Variants in APOLD1 observed in about 807,000 individuals in gnomAD.
APOLD1 encodes apolipoprotein L domain containing 1.
APOLD1 carries 22 observed loss-of-function variants against 15.3 expected under a neutral mutation model. The ratio of observed to expected loss-of-function variants is 1.44; its 90% CI spans 1.03 to 2.05. The LOEUF is 2.05. APOLD1 is among the 30% of genes most tolerant of loss of function. The pLI, the probability that APOLD1 is intolerant of heterozygous loss-of-function variation, is 0.00. For synonymous variants in APOLD1, 190 were observed against 167.4 expected (o/e 1.13, Z -1.04); for missense variants, 394 against 353.5 (o/e 1.11, Z -0.92).
Position 12,789,607 on chromosome 12 carries a change from T to C in APOLD1, c.*1955T>C, listed in dbSNP as rs1947165869. ...TGGGTGACAGACAAAATCGCTTGTC[T>C]TATGGTGGTGATGTGTTGCATTTTC... On this transcript the variant is annotated 3_prime_UTR_variant, in exon 2 of 2. Coordinates refer to ENST00000356591, the MANE Select transcript of APOLD1 (RefSeq NM_030817.3). 1.3e-5 allele frequency: 2 copies of C among 152,238 alleles called. No homozygotes were observed. The highest frequency in any genetic ancestry group is 4.1e-4 in the South Asian group (2 of 4,836). 9.4% of individuals were successfully genotyped at this position (152,238 alleles called of 1,614,324 possible).
intron 1 of APOLD1, among the ~76,000 whole-genome samples, chr12:12,729,253 G>T (rs1946618250): frequency 6.6e-6 from 1 of 151,478 alleles, no homozygotes; most frequent in Non-Finnish European, 1.5e-5. Flanking sequence ...AATAAAGTGG[G>T]ATTCTTATCT....
In APOLD1 at chr12:12,787,090, T is replaced by C; in HGVS notation, c.185T>C (p.Leu62Pro). ...GTAGCCAACGTGGCCGGCAGCTCGC[T>C]GAGCGCAACGGGCGCCCTCGCCGCC... ...SLVANVAGSSLSATGALAAIV... is the reference protein window; with the variant it reads ...SLVANVAGSSPSATGALAAIV... Residue 62 changes from leucine (L) to proline (P), a missense_variant, in exon 2 of 2, where the codon CTG (leucine) becomes CCG (proline). Coordinates refer to ENST00000356591, the MANE Select transcript of APOLD1 (RefSeq NM_030817.3). This position sits in a 1 kb window ranked among gnomAD's most constrained non-coding sequence, Gnocchi z 4.9. 7.1e-7 allele frequency: 1 copy of C among 1,402,520 alleles called. No individual in the cohort carries two copies. The highest frequency in any genetic ancestry group is 9.2e-7 in the Non-Finnish European group (1 of 1,089,228). The allele number at this position is 1,402,520 out of a possible 1,614,324, so 86.9% of individuals were successfully genotyped here.
chr12:12,729,876 A>AT (rs981089736), intron 1 of APOLD1, among the ~76,000 whole-genome samples: 7 of 150,826 alleles, frequency 4.6e-5, no homozygotes, highest in East Asian at 3.9e-4. Context: ...CTACTGGGAC[A>AT]TTTTTTTTTG....
chr12:12,778,512 G>C (rs749195228), intron 1 of APOLD1, among the ~76,000 whole-genome samples: 11 of 148,640 alleles, frequency 7.4e-5, no homozygotes, highest in Non-Finnish European at 1.6e-4. Flanking sequence ...TTTTTTTATA[G>C]AGATGGGTTC....
chr12:12,785,893 T>G (rs1251412915), intron 1 of APOLD1, among the ~76,000 whole-genome samples, 199 bp downstream of exon 1: 1 of 152,214 alleles, frequency 6.6e-6, no homozygotes, highest in African/African-American at 2.4e-5. Context: ...ATGCAGGCAA[T>G]TCTTCCAGAT....
At chr12:12,740,417 C>G (rs889972612) in intron 1 of APOLD1, among the ~76,000 whole-genome samples, 3 of 152,140 alleles carry the variant, frequency 2.0e-5, no homozygotes, top group Non-Finnish European at 4.4e-5. Context: ...GTACCCGGCC[C>G]TCAGATCTTA....
chr12:12,778,223 C>T (rs61913606), intron 1 of APOLD1, among the ~76,000 whole-genome samples: 26,876 of 151,766 alleles, frequency 0.18, 2,449 homozygotes, highest in South Asian at 0.29. Context: ...AGCCACTGTA[C>T]TTGGCCAGGA....
rs961407241 is a variant in APOLD1, at chr12:12,786,783, TC to T, written c.4-122del. 5.4e-6 allele frequency: 7 copies of T among 1,300,614 alleles called. No individual in the cohort carries two copies. In the African/African-American group the frequency reaches 1.1e-4, roughly 20 times the overall value. 80.6% of individuals were successfully genotyped at this position (1,300,614 alleles called of 1,614,324 possible). A position where few individuals can be genotyped will look rare whatever the true frequency, so the allele number is the denominator to read the frequency against. On this transcript the variant is annotated intron_variant, in intron 1 of 1. Coordinates refer to ENST00000356591, the MANE Select transcript of APOLD1 (RefSeq NM_030817.3). The stretch of plus-strand genomic sequence containing the variant: ...CATGATCCACTGGAAACAGACCCGT[TC>T]CCCTAGCGTGGCAGTGGCTGCTCCG...
chr12:12,754,719 C>A (rs1332075226), intron 1 of APOLD1, among the ~76,000 whole-genome samples: 1 of 152,010 alleles, frequency 6.6e-6, no homozygotes, highest in Non-Finnish European at 1.5e-5. Flanking sequence ...GCGTGAGTCA[C>A]CATGCCTGGC....
intron 1 of APOLD1, among the ~76,000 whole-genome samples, chr12:12,769,803 C>T (rs1946971870): frequency 6.6e-6 from 1 of 152,164 alleles, no homozygotes; most frequent in African/African-American, 2.4e-5. Flanking sequence ...CTGAGAAGCA[C>T]CTGTGAAGTT....
intron 1 of APOLD1, among the ~76,000 whole-genome samples, chr12:12,758,625 T>G (rs1183110905): frequency 6.6e-6 from 1 of 152,212 alleles, no homozygotes; most frequent in Non-Finnish European, 1.5e-5. Flanking sequence ...TCCTATTGAA[T>G]GAACAGAAAC....
chr12:12,754,001 G>A (rs894232604), intron 1 of APOLD1, among the ~76,000 whole-genome samples: 1 of 151,620 alleles, frequency 6.6e-6, no homozygotes, highest in African/African-American at 2.4e-5. Flanking sequence ...GATCACCTGA[G>A]GTCAGGAGTT....
chr12:12,731,120 G>A (rs1344761767), intron 1 of APOLD1, among the ~76,000 whole-genome samples: 7 of 152,168 alleles, frequency 4.6e-5, no homozygotes, highest in African/African-American at 1.4e-4. Flanking sequence ...CAGCCTGGGC[G>A]ACAGAGCAAG....
intron 1 of APOLD1, among the ~76,000 whole-genome samples, chr12:12,742,820 A>G (rs886664570): frequency 3.3e-5 from 5 of 151,150 alleles, no homozygotes; most frequent in Admixed American, 1.3e-4. Context: ...GCTGGAGTGC[A>G]GTGGCATGAT....
In APOLD1 at chr12:12,787,065, G is replaced by A. The variant is rs762698522; in HGVS notation, c.160G>A (p.Val54Ile). 1.4e-5 allele frequency: 19 copies of A among 1,390,868 alleles called. No individual in the cohort carries two copies. The highest frequency in any genetic ancestry group is 1.8e-5 in the Non-Finnish European group (19 of 1,083,310). The allele number at this position is 1,390,868 out of a possible 1,614,324, so 86.2% of individuals were successfully genotyped here. A position where few individuals can be genotyped will look rare whatever the true frequency, so the allele number is the denominator to read the frequency against. ...RLERLRRRSL[V>I]ANVAGSSLSA... Reference sequence around the variant, plus strand: ...GGAGCGCCTGCGCAGGCGCTCCCTCGTAGCCAACGTGGCCGGCAGCTCGCT... The same window carrying A: ...GGAGCGCCTGCGCAGGCGCTCCCTCATAGCCAACGTGGCCGGCAGCTCGCT... Residue 54 changes from valine (V) to isoleucine (I), a missense_variant, in exon 2 of 2, where the codon GTA becomes ATA. By Grantham distance (29) the Val-to-Ile change is conservative (BLOSUM62 3). Transcript: ENST00000356591. This position sits in a 1 kb window ranked among gnomAD's most constrained non-coding sequence, Gnocchi z 4.9.
At chr12:12,763,150 A>C (rs910536131) in intron 1 of APOLD1, among the ~76,000 whole-genome samples, 1 of 152,184 alleles carries the variant, frequency 6.6e-6, no homozygotes, top group Non-Finnish European at 1.5e-5. Context: ...TTTAATTGAC[A>C]ATAAAAGTTG....
At chr12:12,731,140 CA>C (rs1008827493) in intron 1 of APOLD1, among the ~76,000 whole-genome samples, 4 of 151,762 alleles carry the variant, frequency 2.6e-5, no homozygotes, top group Admixed American at 1.3e-4. Flanking sequence ...GACGCCATCT[CA>C]AAAAAACAAA....
intron 1 of APOLD1, among the ~76,000 whole-genome samples, chr12:12,754,798 G>A (rs1238283815): frequency 6.6e-6 from 1 of 151,066 alleles, no homozygotes; most frequent in Non-Finnish European, 1.5e-5. Context: ...CCAGGACTTT[G>A]AGAGGCTGAG....
At chr12:12,748,838 T>C (rs2136378419) in intron 1 of APOLD1, among the ~76,000 whole-genome samples, 1 of 152,308 alleles carries the variant, frequency 6.6e-6, no homozygotes, top group East Asian at 1.9e-4. Context: ...GCTTTGAATA[T>C]CTGGGTAAGA....
Sources: allele counts gnomAD v4.1 joint callset (sites outside exome capture counted in the v4.1 genomes callset), GRCh38; gene constraint gnomAD v4.1.1; non-coding constraint Gnocchi (gnomAD v3.1); transcripts MANE v1.5; gene names NCBI Gene and HGNC (gene_info 2026-07-23, HGNC 2026-07-21).